ASIC2: variants seen among roughly 807,000 people sequenced by gnomAD.
ASIC2 encodes acid-sensing ion channel 2.
In ASIC2, 25 loss-of-function variants were observed where a neutral mutation model predicts 57.3. The observed-to-expected ratio is 0.44, with a 90% CI of 0.32 to 0.61. The LOEUF (loss-of-function observed/expected upper bound fraction) is 0.61, where lower values mean the gene tolerates loss of function less well. ASIC2 is among the 20% of genes least tolerant of loss of function. The pLI, the probability that ASIC2 is intolerant of heterozygous loss-of-function variation, is 0.06. For missense variants in ASIC2, 641 were observed against 738.1 expected, an observed-to-expected ratio of 0.87 and a Z score of 1.52; for synonymous variants, 319 against 307.5, an observed-to-expected ratio of 1.04 and a Z score of -0.39.
At chr17:33,807,161 C>A (rs1912291669) in intron 1 of ASIC2, among the ~76,000 whole-genome samples, 1 of 152,150 alleles carries the variant, frequency 6.6e-6, no homozygotes, top group Admixed American at 6.5e-5. Flanking sequence ...ACCAGGCACC[C>A]CACTTGAGAG....
intron 1 of ASIC2, among the ~76,000 whole-genome samples, chr17:33,344,210 CAG>C (rs1171647150): frequency 1.3e-5 from 2 of 152,148 alleles, no homozygotes; most frequent in African/African-American, 4.8e-5. Flanking sequence ...GGTGGATGCT[CAG>C]TAAATATTTT....
chr17:33,786,413 A>G (rs550986368), intron 1 of ASIC2, among the ~76,000 whole-genome samples: 2 of 152,146 alleles, frequency 1.3e-5, no homozygotes, highest in African/African-American at 4.8e-5. Context: ...TGATGAATTA[A>G]AAAAAAGAAA....
intron 1 of ASIC2, among the ~76,000 whole-genome samples, chr17:33,285,467 G>GCCCGCTGAAA (rs1905114092): frequency 6.6e-6 from 1 of 152,198 alleles, no homozygotes; most frequent in Non-Finnish European, 1.5e-5. Context: ...TGCACTATTT[G>GCCCGCTGAAA]AGCTCTCCAT....
intron 2 of ASIC2, among the ~76,000 whole-genome samples, chr17:33,095,770 G>T (rs1158387065): frequency 6.6e-6 from 1 of 152,256 alleles, no homozygotes; most frequent in Non-Finnish European, 1.5e-5. Context: ...AAGGGCCGTG[G>T]TTGGCATTCT....
chr17:33,120,021 T>C, intron 1 of ASIC2, among the ~76,000 whole-genome samples: 1 of 152,228 alleles, frequency 6.6e-6, no homozygotes, highest in Non-Finnish European at 1.5e-5. Context: ...GATGTTATTC[T>C]TCCCAGCTTA....
At chr17:33,461,572 A>G (rs1456645032) in intron 1 of ASIC2, among the ~76,000 whole-genome samples, 1 of 152,208 alleles carries the variant, frequency 6.6e-6, no homozygotes, top group Non-Finnish European at 1.5e-5. Flanking sequence ...GCAATGAAAA[A>G]GGGCGCATAA....
Position 33,799,373 on chromosome 17 carries a change from T to TCTTTCTTTCTTC in ASIC2, c.555+356604_555+356605insGAAGAAAGAAAG, listed in dbSNP as rs1346539770. Among the ~76,000 whole-genome samples the TCTTTCTTTCTTC allele has an allele frequency of 2.0e-4, 23 of 113,086 alleles. No individual in the cohort carries two copies. The East Asian group carries it at 7.2e-3, about 35-fold the overall frequency. 74.2% of individuals were successfully genotyped at this position (113,086 alleles called of 152,430 possible). A position where few individuals can be genotyped will look rare whatever the true frequency, so the allele number is the denominator to read the frequency against. On this transcript the variant is annotated intron_variant, in intron 1 of 9. Coordinates refer to the ASIC2 transcript ENST00000359872. ...CTTTCTCTTTCTTTCTTTCTTTCTT[T>TCTTTCTTTCTTC]CTTCCTTTCTTTCTTTCTTTCTTTC... is the stretch of plus-strand genomic sequence containing the variant.
intron 1 of ASIC2, among the ~76,000 whole-genome samples, chr17:33,961,422 A>G (rs556746084): frequency 6.6e-6 from 1 of 152,324 alleles, no homozygotes; most frequent in African/African-American, 2.4e-5. Context: ...AGAATAGAGC[A>G]GAGAGCTTAG....
intron 1 of ASIC2, among the ~76,000 whole-genome samples, chr17:33,462,084 T>C (rs952540): frequency 0.2 from 30,466 of 152,074 alleles, 3,266 homozygotes; most frequent in Middle Eastern, 0.24. Context: ...TTTGACAGAG[T>C]TAATCACAGG....
chr17:33,504,519 T>C (rs1407432067), intron 1 of ASIC2, among the ~76,000 whole-genome samples: 1 of 152,130 alleles, frequency 6.6e-6, no homozygotes, highest in Non-Finnish European at 1.5e-5. Flanking sequence ...TTTATATTTT[T>C]AGTAGAGATG....
intron 1 of ASIC2, among the ~76,000 whole-genome samples, chr17:33,968,069 C>A (rs141093708): frequency 6.6e-6 from 1 of 152,210 alleles, no homozygotes; most frequent in Non-Finnish European, 1.5e-5. Context: ...CTTGTCAATA[C>A]CCGTATTGTG....
chr17:34,040,428 C>T (rs1454110640), intron 1 of ASIC2, among the ~76,000 whole-genome samples: 1 of 82,440 alleles, frequency 1.2e-5, no homozygotes, highest in Non-Finnish European at 2.4e-5. Context: ...GGGGAAGCGC[C>T]GACAGTGGGG....
intron 1 of ASIC2, among the ~76,000 whole-genome samples, chr17:33,281,165 C>T (rs1367400561): frequency 6.6e-6 from 1 of 152,170 alleles, no homozygotes; most frequent in Non-Finnish European, 1.5e-5. Flanking sequence ...ATCTCCCTCT[C>T]TGATTTTTAA....
rs965639684 is a variant in ASIC2 at position 34,049,355 on chromosome 17, C to G, written c.555+106623G>C. 2.0e-5 allele frequency among the ~76,000 whole-genome samples: 3 copies of G among 152,104 alleles called. 1 individual carries two copies. The highest frequency in any genetic ancestry group is 7.2e-5 in the African/African-American group (3 of 41,410). ...GGCAATAGTCCTGGAAGGGGAAACT[C>G]CAGGATGGTAGAAGAGCCCTCCTGA... is the stretch of plus-strand genomic sequence containing the variant. On this transcript the variant is annotated intron_variant, in intron 1 of 9. Transcript: ENST00000359872.
chr17:33,066,424 T>G (rs1396906172), intron 3 of ASIC2, among the ~76,000 whole-genome samples: 1 of 152,168 alleles, frequency 6.6e-6, no homozygotes, highest in African/African-American at 2.4e-5. Flanking sequence ...TAGTAGAGCT[T>G]TGGAGGCCAC....
intron 1 of ASIC2, among the ~76,000 whole-genome samples, chr17:33,801,857 C>T (rs1030705172): frequency 3.9e-5 from 6 of 152,142 alleles, no homozygotes; most frequent in African/African-American, 1.2e-4. Context: ...CCTACTGTAC[C>T]GGACAGCACA....
chr17:34,030,524 A>T (rs1328329240), intron 1 of ASIC2, among the ~76,000 whole-genome samples: 2 of 152,210 alleles, frequency 1.3e-5, no homozygotes, highest in Non-Finnish European at 2.9e-5. Flanking sequence ...CAGTAGGTGC[A>T]GTGCACCGTG....
At chr17:33,650,381 C>A (rs986231929) in intron 1 of ASIC2, among the ~76,000 whole-genome samples, 1 of 152,108 alleles carries the variant, frequency 6.6e-6, no homozygotes, top group Non-Finnish European at 1.5e-5. Context: ...ACATTACTGG[C>A]GAGCATGTAA....
chr17:33,315,774 G>T (rs1894613878), intron 1 of ASIC2, among the ~76,000 whole-genome samples: 1 of 152,202 alleles, frequency 6.6e-6, no homozygotes, highest in Non-Finnish European at 1.5e-5. Context: ...CCTCTTACAA[G>T]TGTGTTTCTT....
Sources: gnomAD v4.1 joint callset for allele counts (sites outside exome capture counted in the v4.1 genomes callset) on GRCh38, gnomAD v4.1.1 for gene constraint, MANE v1.5 for transcripts, NCBI Gene and HGNC (gene_info 2026-07-23, HGNC 2026-07-21) for gene names.